Variants in SYTL4 observed in about 807,000 individuals in gnomAD.
SYTL4 encodes the protein synaptotagmin-like protein 4.
A neutral mutation model predicts 52.7 loss-of-function variants in SYTL4; 16 were observed. That is an observed-to-expected ratio of 0.30 (90% CI 0.21 to 0.46). The LOEUF (loss-of-function observed/expected upper bound fraction) is 0.46. Among genes scored for constraint, SYTL4 ranks in the 20% least tolerant of loss-of-function variants. The pLI, the probability that SYTL4 is intolerant of heterozygous loss-of-function variation, is 1.00. For synonymous variants in SYTL4, 160 were observed against 186.6 expected (o/e 0.86, Z 1.16); for missense variants, 423 against 519.9 (o/e 0.81, Z 1.81).
intron 17 of SYTL4, among the ~76,000 whole-genome samples, chrX:100,681,006 C>A (rs1180643433): frequency 3.6e-5 from 4 of 111,175 alleles, no homozygotes; most frequent in Non-Finnish European, 1.9e-5. Flanking sequence ...AAGACCAAGT[C>A]CATTTAATAG....
intron 2 of SYTL4, among the ~76,000 whole-genome samples, chrX:100,715,237 G>A (rs2084177020): frequency 9.0e-6 from 1 of 111,352 alleles, no homozygotes; most frequent in Non-Finnish European, 1.9e-5. Context: ...TGCCCAGGCT[G>A]GTCTCGAACT....
At chrX:100,731,315 G>C (rs1275082156) in intron 2 of SYTL4, 103 bp downstream of exon 2, 1 of 111,997 alleles carries the variant, frequency 8.9e-6, no homozygotes, top group East Asian at 2.8e-4. Flanking sequence ...CTTGAAGAGC[G>C]GCAATATAAA....
At chrX:100,724,919 A>G (rs914995792) in intron 2 of SYTL4, among the ~76,000 whole-genome samples, 29 of 109,456 alleles carry the variant, frequency 2.6e-4, no homozygotes, top group Non-Finnish European at 4.4e-4. Context: ...AGTTCTATAT[A>G]TACTGACACT....
chrX:100,717,657 G>A lies in SYTL4; in HGVS notation c.-239-12771C>T, dbSNP rs745436161. ...CATTGAAGAGTTTTATGTAAAGCAA[G>A]GACTTGTTAGGGCACACTGACAATT... On this transcript the variant is annotated intron_variant, in intron 2 of 19. Coordinates refer to ENST00000372989, the MANE Select transcript of SYTL4 (RefSeq NM_001370165.1). Among the ~76,000 whole-genome samples, 5 of 112,546 alleles carry A rather than the reference G, an allele frequency of 4.4e-5. No homozygotes were observed. In the East Asian group the frequency reaches 1.4e-3, roughly 31 times the overall value.
At chrX:100,679,290 T>C in intron 18 of SYTL4, 23 bp downstream of exon 18, 1 of 1,130,382 alleles carries the variant, frequency 8.8e-7, no homozygotes, top group Middle Eastern at 2.5e-4. Context: ...ACTGGTTAAT[T>C]TGGGGCTGGT....
chrX:100,691,606 T>G (rs975711999), intron 8 of SYTL4, among the ~76,000 whole-genome samples: 97 of 110,997 alleles, frequency 8.7e-4, no homozygotes, highest in Non-Finnish European at 1.6e-3. Context: ...GGCGCGATCT[T>G]GGCTCACTGC....
intron 2 of SYTL4, among the ~76,000 whole-genome samples, chrX:100,715,865 G>T (rs1045322007): frequency 9.5e-6 from 1 of 105,808 alleles, no homozygotes; most frequent in Non-Finnish European, 1.9e-5. Context: ...CTGAGCCCGG[G>T]AGGTCAAGGC....
In SYTL4 at chrX:100,689,853, T is replaced by C; in HGVS notation, c.912+3A>G. ...TGACCAAGTAAAATATAAGGGCACC[T>C]ACCATATCCACATTGAGGCCTGGGA... On this transcript the variant is annotated splice_donor_region_variant and intron_variant, in intron 12 of 19. Coordinates refer to ENST00000372989, the MANE Select transcript of SYTL4 (RefSeq NM_001370165.1). 1 of 1,181,467 alleles carries C rather than the reference T, an allele frequency of 8.5e-7. No individual in the cohort carries two copies. The highest frequency in any genetic ancestry group is 3.0e-5 in the East Asian group (1 of 33,684).
intron 2 of SYTL4, among the ~76,000 whole-genome samples, chrX:100,716,450 C>CAAAAAAAAAAAAAAAAAAAAA (rs200368843): frequency 7.8e-5 from 2 of 25,792 alleles, no homozygotes; most frequent in Non-Finnish European, 1.1e-4. Context: ...AACTCCATCT[C>CAAAAAAAAAAAAAAAAAAAAA]AAAAAAAAAA....
At chrX:100,699,367 C>CAAAAG (rs1271029228) in intron 8 of SYTL4, among the ~76,000 whole-genome samples, 4 of 65,011 alleles carry the variant, frequency 6.2e-5, no homozygotes, top group East Asian at 4.3e-4. Flanking sequence ...AACTCCGTCT[C>CAAAAG]AAAAGAAAAG....
intron 2 of SYTL4, among the ~76,000 whole-genome samples, chrX:100,728,650 C>T (rs1270957628): frequency 8.9e-6 from 1 of 111,928 alleles, no homozygotes; most frequent in African/African-American, 3.3e-5. Flanking sequence ...CCCTTCCTCC[C>T]AGTGCAGTCC....
intron 16 of SYTL4, among the ~76,000 whole-genome samples, chrX:100,682,714 A>C (rs978118043): frequency 9.0e-6 from 1 of 110,953 alleles, no homozygotes; most frequent in Admixed American, 9.6e-5. Context: ...CCCTCCCCCC[A>C]AAAAAAGAAA....
At chrX:100,725,636 TTTAATATACACTTCCCC>T (rs2147844211) in intron 2 of SYTL4, among the ~76,000 whole-genome samples, 1 of 112,239 alleles carries the variant, frequency 8.9e-6, no homozygotes, top group South Asian at 3.7e-4. Context: ...TGATACAATA[TTTAATATACACTTCCCC>T]TGCCGAAATA....
chrX:100,723,965 TG>T (rs1347633981), intron 2 of SYTL4, among the ~76,000 whole-genome samples: 1 of 53,738 alleles, frequency 1.9e-5, no homozygotes, highest in African/African-American at 7.4e-5. Context: ...GGGAGGGAGG[TG>T]GGGGGGTCAG....
chrX:100,703,591 G>C (rs1288058935), intron 3 of SYTL4, among the ~76,000 whole-genome samples: 1 of 112,019 alleles, frequency 8.9e-6, no homozygotes, highest in Non-Finnish European at 1.9e-5. Flanking sequence ...ACTTAACCAA[G>C]CAATATGACT....
intron 13 of SYTL4, 164 bp from the exon 14 acceptor site, chrX:100,687,409 A>T (rs1351538898): frequency 2.3e-6 from 1 of 436,129 alleles, no homozygotes; most frequent in African/African-American, 2.5e-5. Context: ...GTAAGAGAGA[A>T]CTACCAGCAC....
chrX:100,689,280 T>G, intron 12 of SYTL4, among the ~76,000 whole-genome samples: 1 of 98,100 alleles, frequency 1.0e-5, no homozygotes, highest in Non-Finnish European at 2.1e-5. Context: ...GAGGCTGAGG[T>G]GGGAGGACAG....
chrX:100,724,853 C>A (rs2084477362), intron 2 of SYTL4, among the ~76,000 whole-genome samples: 1 of 38,354 alleles, frequency 2.6e-5, no homozygotes. Flanking sequence ...GCGAGAAACA[C>A]CCAAGAATGA....
intron 2 of SYTL4, among the ~76,000 whole-genome samples, chrX:100,710,999 C>G (rs2084056669): frequency 8.9e-6 from 1 of 112,340 alleles, no homozygotes. Flanking sequence ...CAATGCCTGT[C>G]ACTCACACAG....
Sources: allele counts gnomAD v4.1 joint callset (sites outside exome capture counted in the v4.1 genomes callset), GRCh38; gene constraint gnomAD v4.1.1; transcripts MANE v1.5; gene names NCBI Gene and HGNC (gene_info 2026-07-23, HGNC 2026-07-21).